The following SUGCT variants were observed in gnomAD, a reference collection of about 807,000 sequenced individuals.
The protein encoded by SUGCT is succinyl-CoA:glutarate CoA-transferase.
SUGCT carries 41 observed loss-of-function variants against 55.0 expected under a neutral mutation model. The ratio of observed to expected loss-of-function variants is 0.74; its 90% CI spans 0.58 to 0.97. The LOEUF (loss-of-function observed/expected upper bound fraction) is 0.97, where lower values mean the gene tolerates loss of function less well. Among genes scored for constraint, SUGCT ranks in the 50% least tolerant of loss-of-function variants. The pLI, the probability that SUGCT is intolerant of heterozygous loss-of-function variation, is 0.00. For synonymous variants in SUGCT, 187 were observed against 200.4 expected, an observed-to-expected ratio of 0.93 and a Z score of 0.56; for missense variants, 568 against 547.8, an observed-to-expected ratio of 1.04 and a Z score of -0.37.
intron 9 of SUGCT, among the ~76,000 whole-genome samples, chr7:40,419,378 T>C (rs1052589180): frequency 6.6e-6 from 1 of 152,176 alleles, no homozygotes; most frequent in African/African-American, 2.4e-5. Context: ...ATCCCCAATA[T>C]ACTCATGAAT....
At chr7:40,167,012 C>T (rs555307536) in intron 1 of SUGCT, among the ~76,000 whole-genome samples, 8 of 152,276 alleles carry the variant, frequency 5.3e-5, no homozygotes, top group Non-Finnish European at 8.8e-5. Context: ...TATACATGCA[C>T]TTACCATATA....
At chr7:40,671,873 C>T (rs1209483480) in intron 12 of SUGCT, among the ~76,000 whole-genome samples, 1 of 152,100 alleles carries the variant, frequency 6.6e-6, no homozygotes, top group Non-Finnish European at 1.5e-5. Context: ...GGATCTAGTC[C>T]AGCTTAAACA....
chr7:40,901,575 G>T, the SUGCT span, among the ~76,000 whole-genome samples: 1 of 152,154 alleles, frequency 6.6e-6, no homozygotes, highest in Admixed American at 6.5e-5. Flanking sequence ...TTACCAAACT[G>T]CCTTGATTTC....
intron 6 of SUGCT, among the ~76,000 whole-genome samples, chr7:40,219,609 T>A (rs1271647256): frequency 2.0e-5 from 3 of 152,118 alleles, no homozygotes; most frequent in African/African-American, 7.2e-5. Flanking sequence ...GCCATGTGAA[T>A]GGAGATTGTT....
intron 12 of SUGCT, among the ~76,000 whole-genome samples, chr7:40,569,870 T>G (rs1796347750): frequency 6.6e-6 from 1 of 152,256 alleles, no homozygotes; most frequent in Admixed American, 6.5e-5. Context: ...ATGATAAAGT[T>G]GATTTTTTTA....
rs552286163 is a variant in SUGCT, at chr7:40,303,864, C to T, written c.721-12896C>T. The stretch of plus-strand genomic sequence containing the variant: ...TAATCCTAGCACTATGGGAGGCTGA[C>T]GTGGGTGGATCACTTGAGGTCAGGA... On this transcript the variant is annotated intron_variant, in intron 8 of 13. Coordinates refer to ENST00000335693, the MANE Select transcript of SUGCT (RefSeq NM_001193313.2). Among the ~76,000 whole-genome samples the T allele has an allele frequency of 1.1e-3, 172 of 151,928 alleles. 1 individual carries two copies. The highest frequency in any genetic ancestry group is 4.0e-3 in the African/African-American group (165 of 41,412).
chr7:40,376,109 T>G (rs1298154012), intron 9 of SUGCT, among the ~76,000 whole-genome samples: 1 of 152,232 alleles, frequency 6.6e-6, no homozygotes. Context: ...GATTAATTCT[T>G]TTAAAAAGTT....
At chr7:40,557,562 C>CAGGA (rs772526559) in intron 12 of SUGCT, among the ~76,000 whole-genome samples, 15 of 152,116 alleles carry the variant, frequency 9.9e-5, no homozygotes, top group Non-Finnish European at 1.6e-4. Flanking sequence ...CACCTGAAGT[C>CAGGA]AGGAGTTCGA....
chr7:40,875,745 C>T, the SUGCT span, among the ~76,000 whole-genome samples: 101 of 152,344 alleles, frequency 6.6e-4, no homozygotes, highest in Admixed American at 7.2e-4. Flanking sequence ...ATCCATCTCT[C>T]CTGCAAAGAT....
intron 5 of SUGCT, among the ~76,000 whole-genome samples, chr7:40,194,051 A>G (rs188973270): frequency 2.0e-4 from 31 of 152,168 alleles, no homozygotes; most frequent in Admixed American, 4.6e-4. Context: ...CACAATCTGG[A>G]TTTTGTTCCT....
At chr7:40,290,591 A>G (rs1246972922) in intron 8 of SUGCT, among the ~76,000 whole-genome samples, 1 of 152,244 alleles carries the variant, frequency 6.6e-6, no homozygotes, top group Non-Finnish European at 1.5e-5. Context: ...GGACATAGGC[A>G]TGGGCAAGGA....
intron 7 of SUGCT, among the ~76,000 whole-genome samples, chr7:40,244,567 T>G (rs6964864): frequency 0.39 from 59,099 of 151,948 alleles, 12,183 homozygotes; most frequent in East Asian, 0.5. Context: ...CTTCGTAAGA[T>G]TAGTTTGGCC....
intron 13 of SUGCT, among the ~76,000 whole-genome samples, chr7:40,858,090 A>G (rs990508301): frequency 1.5e-4 from 23 of 152,136 alleles, no homozygotes; most frequent in Admixed American, 5.2e-4. Context: ...AAGATGACTG[A>G]CAGTCTACCC....
chr7:40,766,908 C>T (rs1019066263), intron 13 of SUGCT, among the ~76,000 whole-genome samples: 6 of 152,118 alleles, frequency 3.9e-5, no homozygotes, highest in African/African-American at 1.4e-4. Context: ...GGGAATTTAA[C>T]AATATTGGAT....
chr7:40,662,463 C>CCCT (rs1801378750), intron 12 of SUGCT, among the ~76,000 whole-genome samples: 2 of 152,348 alleles, frequency 1.3e-5, no homozygotes, highest in South Asian at 4.1e-4. Flanking sequence ...CCTGACCAGA[C>CCCT]CCTGCCTAGT....
At chr7:40,935,708 C>A in the SUGCT span, among the ~76,000 whole-genome samples, 2 of 152,134 alleles carry the variant, frequency 1.3e-5, no homozygotes, top group Non-Finnish European at 2.9e-5. Flanking sequence ...TATTTGCAGT[C>A]ATGTAACAAG....
chr7:40,439,061 G>GGTAT (rs5883731), intron 9 of SUGCT, among the ~76,000 whole-genome samples: 2,521 of 51,658 alleles, frequency 0.049, 473 homozygotes, highest in South Asian at 0.15. Flanking sequence ...GTATATATAT[G>GGTAT]GTGTATATAT....
intron 12 of SUGCT, among the ~76,000 whole-genome samples, chr7:40,566,056 G>C (rs559156202): frequency 1.2e-4 from 18 of 150,550 alleles, no homozygotes; most frequent in Non-Finnish European, 2.2e-4. Context: ...AGGTGTTCCT[G>C]GCCATAATAT....
intron 12 of SUGCT, among the ~76,000 whole-genome samples, chr7:40,636,133 T>C (rs2151816935): frequency 6.6e-6 from 1 of 152,342 alleles, no homozygotes; most frequent in East Asian, 1.9e-4. Flanking sequence ...TTTATTTTGC[T>C]TATGAATCTG....
Sources: gnomAD v4.1 joint callset for allele counts (sites outside exome capture counted in the v4.1 genomes callset) on GRCh38, gnomAD v4.1.1 for gene constraint, MANE v1.5 for transcripts, NCBI Gene and HGNC (gene_info 2026-07-23, HGNC 2026-07-21) for gene names.